CELF2: variants seen among roughly 807,000 people sequenced by gnomAD.
CELF2 encodes the protein CUGBP Elav-like family member 2.
Under a neutral mutation model 62.6 loss-of-function variants are expected in CELF2, and 8 were observed. That is an observed-to-expected ratio of 0.13 (90% CI 0.07 to 0.23). The LOEUF (loss-of-function observed/expected upper bound fraction) is 0.23. Ranked by LOEUF, CELF2 falls within the 10% of genes least tolerant of loss-of-function variation. The pLI, the probability that CELF2 is intolerant of heterozygous loss-of-function variation, is 1.00. For synonymous variants in CELF2, 258 were observed against 250.0 expected (o/e 1.03, Z -0.30); for missense variants, 333 against 671.0 (o/e 0.50, Z 5.56).
intron 2 of CELF2, among the ~76,000 whole-genome samples, chr10:11,181,710 TCTCTAA>T (rs1440899909): frequency 4.7e-4 from 72 of 152,336 alleles, no homozygotes; most frequent in African/African-American, 1.6e-3. Context: ...GCATTTGTCA[TCTCTAA>T]CTCTAAGTGT....
chr10:10,656,248 T>C, the CELF2 span, among the ~76,000 whole-genome samples: 3 of 151,320 alleles, frequency 2.0e-5, no homozygotes, highest in Non-Finnish European at 2.9e-5. Flanking sequence ...TGTGGAGAAA[T>C]GGGAGCACTT....
At chr10:10,999,660 CT>C (rs2054324347) in intron 2 of CELF2, among the ~76,000 whole-genome samples, 1 of 152,180 alleles carries the variant, frequency 6.6e-6, no homozygotes. Context: ...TCAAACTCAT[CT>C]TTCCTACACC....
the CELF2 span, among the ~76,000 whole-genome samples, chr10:10,574,886 T>TAC: frequency 6.8e-6 from 1 of 147,774 alleles, no homozygotes; most frequent in East Asian, 2.0e-4. Context: ...TTTTTTTTTT[T>TAC]TTTTTTTTTT....
chr10:10,595,893 C>A, the CELF2 span, among the ~76,000 whole-genome samples: 1,025 of 152,102 alleles, frequency 6.7e-3, 5 homozygotes, highest in South Asian at 0.035. Context: ...GAGATTCCAT[C>A]TTTAAAAAAA....
At chr10:10,621,971 C>G in the CELF2 span, among the ~76,000 whole-genome samples, 1 of 152,222 alleles carries the variant, frequency 6.6e-6, no homozygotes, top group Non-Finnish European at 1.5e-5. Context: ...AAAGGAGTTT[C>G]TCACATAGAG....
At chr10:10,877,230 T>C (rs1391981242) in intron 1 of CELF2, among the ~76,000 whole-genome samples, 1 of 152,240 alleles carries the variant, frequency 6.6e-6, no homozygotes, top group African/African-American at 2.4e-5. Flanking sequence ...GAGACAGCTC[T>C]CAGTTAATTT....
chr10:10,599,307 C>T, the CELF2 span, among the ~76,000 whole-genome samples: 1 of 152,124 alleles, frequency 6.6e-6, no homozygotes, highest in Non-Finnish European at 1.5e-5. Flanking sequence ...AAGTTCCTTG[C>T]TTGTAAAATG....
chr10:11,223,106 T>C lies in CELF2; in HGVS notation c.354+5599T>C, dbSNP rs1565394748. On this transcript the variant is annotated intron_variant, in intron 3 of 12. Coordinates refer to ENST00000633077, the MANE Select transcript of CELF2 (RefSeq NM_001326342.2). The surrounding 1 kb of genome is among the most constrained non-coding windows in gnomAD (Gnocchi z 5.1). ...CTCAGTTCCTTGGTGTAATTATAAT[T>C]CTTTGTTTATGGGTGCTTTGAGTCC... Among the ~76,000 whole-genome samples the C allele has an allele frequency of 6.6e-6, 1 of 152,202 alleles. No individual in the cohort carries two copies. Among genetic ancestry groups the C allele is most frequent in the Non-Finnish European group, 1.5e-5 (1 of 68,028 alleles).
chr10:10,741,967 A>C, the CELF2 span, among the ~76,000 whole-genome samples: 12 of 152,172 alleles, frequency 7.9e-5, no homozygotes, highest in African/African-American at 2.9e-4. Flanking sequence ...TTCTTAAGTA[A>C]GAGATGTTCC....
At chr10:11,143,883 C>G (rs796210467) in intron 1 of CELF2, among the ~76,000 whole-genome samples, 10 of 152,252 alleles carry the variant, frequency 6.6e-5, no homozygotes, top group African/African-American at 2.4e-4. Context: ...AATGTCTTTA[C>G]TTTATTCTTC....
Position 10,924,281 on chromosome 10 carries a change from C to CAAAAA in CELF2, c.89+4307_89+4311dup, listed in dbSNP as rs11415164. ...TGGGCAACACAGCGAGACTCCGTCC[C>CAAAAA]AAAAAAAAAAAAAAAAAAAAAAAAA... On this transcript the variant is annotated intron_variant, in intron 2 of 13. Transcript: ENST00000636488. 6.9e-3 allele frequency among the ~76,000 whole-genome samples: 309 copies of CAAAAA among 45,042 alleles called. 49 individuals are homozygous for CAAAAA. Among genetic ancestry groups the CAAAAA allele is most frequent in the East Asian group, 0.028 (40 of 1,422 alleles). 29.5% of individuals were successfully genotyped at this position (45,042 alleles called of 152,430 possible). A position where few individuals can be genotyped will look rare whatever the true frequency, so the allele number is the denominator to read the frequency against.
At chr10:10,653,568 CA>C in the CELF2 span, among the ~76,000 whole-genome samples, 2 of 131,434 alleles carry the variant, frequency 1.5e-5, no homozygotes, top group Non-Finnish European at 3.3e-5. Context: ...GAATCTCACT[CA>C]AAACCGCTCA....
chr10:11,009,982 A>G (rs1353863127), intron 1 of CELF2, among the ~76,000 whole-genome samples: 1 of 152,232 alleles, frequency 6.6e-6, no homozygotes, highest in Non-Finnish European at 1.5e-5. Flanking sequence ...TGAACTGACT[A>G]GCCTGGGCAC....
chr10:11,236,449 T>C (rs1450311150), intron 3 of CELF2, among the ~76,000 whole-genome samples: 2 of 152,214 alleles, frequency 1.3e-5, no homozygotes, highest in Non-Finnish European at 2.9e-5. Flanking sequence ...CACTCATCAA[T>C]TCTGTGGTTT....
intron 1 of CELF2, among the ~76,000 whole-genome samples, chr10:10,917,156 AAC>A (rs1230194013): frequency 6.6e-6 from 1 of 152,182 alleles, no homozygotes; most frequent in Non-Finnish European, 1.5e-5. Context: ...TTGGGGAACA[AAC>A]ACAGTATACT....
chr10:11,144,172 A>G (rs1476268449), intron 1 of CELF2, among the ~76,000 whole-genome samples: 2 of 152,196 alleles, frequency 1.3e-5, no homozygotes, highest in Non-Finnish European at 2.9e-5. Flanking sequence ...AGACATTTGC[A>G]GCTCTGCATT....
rs1020301722 is a variant in CELF2, at chr10:11,157,888, T to G, written c.75-7598T>G. On this transcript the variant is annotated intron_variant, in intron 1 of 12. Coordinates refer to ENST00000633077, the MANE Select transcript of CELF2 (RefSeq NM_001326342.2). The surrounding 1 kb of genome is among the most constrained non-coding windows in gnomAD (Gnocchi z 4.9). ...TGGTGAAAACAGAAGTTACCTGCCT[T>G]GAGAAGCACAGTCACCACAACCTAG... Among the ~76,000 whole-genome samples, 3 of 152,208 alleles carry G rather than the reference T, an allele frequency of 2.0e-5. No homozygotes were observed. Among genetic ancestry groups the G allele is most frequent in the Admixed American group, 2.0e-4 (3 of 15,280 alleles).
chr10:10,953,442 A>T (rs2048536717), intron 2 of CELF2, among the ~76,000 whole-genome samples: 3 of 152,340 alleles, frequency 2.0e-5, no homozygotes, highest in South Asian at 4.1e-4. Context: ...AAGTTATCTA[A>T]CAAGAATAAT....
intron 3 of CELF2, among the ~76,000 whole-genome samples, chr10:11,240,929 C>T (rs1375161854): frequency 6.6e-6 from 1 of 152,120 alleles, no homozygotes; most frequent in Admixed American, 6.5e-5. Context: ...GTGCTCCCAC[C>T]GGACAGACCT....
Sources: allele counts gnomAD v4.1 joint callset (sites outside exome capture counted in the v4.1 genomes callset), GRCh38; gene constraint gnomAD v4.1.1; non-coding constraint Gnocchi (gnomAD v3.1); transcripts MANE v1.5; gene names NCBI Gene and HGNC (gene_info 2026-07-23, HGNC 2026-07-21).